Variants in PLEKHM3 observed in about 807,000 individuals in gnomAD.
PLEKHM3 encodes the protein pleckstrin homology domain containing M3.
A neutral mutation model predicts 81.8 loss-of-function variants in PLEKHM3; 45 were observed. The ratio of observed to expected loss-of-function variants is 0.55; its 90% CI spans 0.43 to 0.71. The LOEUF (loss-of-function observed/expected upper bound fraction) is 0.71. PLEKHM3 is among the 30% of genes least tolerant of loss of function. The probability of loss-of-function intolerance (pLI) is 0.00; values close to 1 mark genes in which losing one functional copy is unlikely to be tolerated. For synonymous variants in PLEKHM3, 352 were observed against 356.4 expected (o/e 0.99, Z 0.14); for missense variants, 788 against 924.3 (o/e 0.85, Z 1.91).
chr2:207,930,956 C>G lies in PLEKHM3; in HGVS notation c.1856G>C (p.Arg619Pro), dbSNP rs769598634. Residue 619 changes from arginine (R) to proline (P), a missense_variant, in exon 5 of 8, where the codon CGG (arginine) becomes CCG (proline). Transcript: ENST00000427836. The part of the protein sequence containing the change: ...KSLRAYLFSC[R>P]AAVAEDLRRR... ...GCGGAGATCCTCTGCCACCGCTGCC[C>G]GGCAGCTGAACAAATAGGCTCGGAG... The G allele has an allele frequency of 6.2e-7, 1 of 1,613,378 alleles. No individual in the cohort carries two copies. Among genetic ancestry groups the G allele is most frequent in the Non-Finnish European group, 8.5e-7 (1 of 1,179,398 alleles).
Position 207,960,292 on chromosome 2 carries a change from T to C in PLEKHM3, c.1547-13780A>G, listed in dbSNP as rs117671778. ...TGTCTGCTATGATAAGAGGACATGA[T>C]GGCCTTCAGGAAGCAGATTTCTGTC... On this transcript the variant is annotated intron_variant, in intron 3 of 7. Coordinates refer to ENST00000427836, the MANE Select transcript of PLEKHM3 (RefSeq NM_001080475.3). 2.8e-3 allele frequency among the ~76,000 whole-genome samples: 420 copies of C among 152,206 alleles called. 15 individuals are homozygous for C. In the East Asian group the frequency reaches 0.074, roughly 27 times the overall value.
At chr2:207,845,774 G>T (rs929488822) in intron 7 of PLEKHM3, among the ~76,000 whole-genome samples, 32 of 152,290 alleles carry the variant, frequency 2.1e-4, no homozygotes, top group African/African-American at 7.2e-4. Flanking sequence ...ATTATTTATG[G>T]AGCAGTTACT....
chr2:207,851,231 T>C (rs1318157709), intron 7 of PLEKHM3: 2 of 151,966 alleles, frequency 1.3e-5, no homozygotes, highest in Non-Finnish European at 2.9e-5. Context: ...GTCATTTCTG[T>C]TTTTTTAGGA....
intron 6 of PLEKHM3, among the ~76,000 whole-genome samples, chr2:207,895,101 A>G (rs17459225): frequency 0.018 from 2,816 of 152,364 alleles, 35 homozygotes; most frequent in Middle Eastern, 0.065. Flanking sequence ...CTCATTTTAC[A>G]AAGAAAGATT....
At chr2:207,940,789 C>T (rs1185996144) in intron 4 of PLEKHM3, among the ~76,000 whole-genome samples, 1 of 152,210 alleles carries the variant, frequency 6.6e-6, no homozygotes, top group Non-Finnish European at 1.5e-5. Context: ...GACATGCCTT[C>T]TTTAGCTCTC....
At chr2:207,970,484 TAGAG>T (rs1220035602) in intron 3 of PLEKHM3, among the ~76,000 whole-genome samples, 2 of 152,174 alleles carry the variant, frequency 1.3e-5, no homozygotes, top group Non-Finnish European at 2.9e-5. Flanking sequence ...GCTAAATAAA[TAGAG>T]CAGCCCCGAG....
intron 2 of PLEKHM3, among the ~76,000 whole-genome samples, chr2:207,988,713 T>A (rs1691803340): frequency 6.6e-6 from 1 of 152,204 alleles, no homozygotes; most frequent in Admixed American, 6.5e-5. Flanking sequence ...TACCCCCTTA[T>A]GGCTGAACCC....
At chr2:207,997,751 T>TG (rs1284726996) in intron 2 of PLEKHM3, among the ~76,000 whole-genome samples, 2 of 152,190 alleles carry the variant, frequency 1.3e-5, no homozygotes, top group Non-Finnish European at 2.9e-5. Flanking sequence ...ACCAGGCAGT[T>TG]GGAGATGCGA....
chr2:207,886,387 G>A (rs1302364963), intron 6 of PLEKHM3, among the ~76,000 whole-genome samples: 1 of 152,110 alleles, frequency 6.6e-6, no homozygotes, highest in Admixed American at 6.5e-5. Context: ...CAAAACAGAA[G>A]AATCAGGACA....
intron 5 of PLEKHM3, chr2:207,929,763 T>C (rs968307930): frequency 5.8e-6 from 3 of 513,236 alleles, no homozygotes; most frequent in Non-Finnish European, 3.4e-6. Context: ...TGTCTAGATA[T>C]TATATATCCT....
intron 2 of PLEKHM3, among the ~76,000 whole-genome samples, chr2:207,983,138 G>A (rs2123295): frequency 0.46 from 67,849 of 147,954 alleles, 18,589 homozygotes; most frequent in Non-Finnish European, 0.6. Context: ...TGCCAGCTCC[G>A]CCTCCCAAGT....
At chr2:207,986,847 T>TC (rs1691741096) in intron 2 of PLEKHM3, among the ~76,000 whole-genome samples, 1 of 148,214 alleles carries the variant, frequency 6.7e-6, no homozygotes, top group Non-Finnish European at 1.5e-5. Flanking sequence ...AATTTTTTTT[T>TC]TTTTTTTTTT....
intron 3 of PLEKHM3, among the ~76,000 whole-genome samples, chr2:207,974,335 C>T (rs1322413606): frequency 6.6e-6 from 1 of 152,202 alleles, no homozygotes; most frequent in Non-Finnish European, 1.5e-5. Context: ...TACATTTCTC[C>T]TTCCTCTTGA....
At chr2:207,959,151 T>A (rs930713419) in intron 3 of PLEKHM3, among the ~76,000 whole-genome samples, 1 of 152,228 alleles carries the variant, frequency 6.6e-6, no homozygotes, top group Non-Finnish European at 1.5e-5. Flanking sequence ...TTTCAGCACT[T>A]CCTTAAATTC....
intron 5 of PLEKHM3, among the ~76,000 whole-genome samples, chr2:207,928,085 C>T (rs1191201668): frequency 6.6e-6 from 1 of 152,170 alleles, no homozygotes; most frequent in Non-Finnish European, 1.5e-5. Context: ...TACTAGCACA[C>T]TTTTCTCTGC....
intron 6 of PLEKHM3, among the ~76,000 whole-genome samples, chr2:207,880,425 G>A (rs528840937): frequency 1.4e-3 from 173 of 126,440 alleles, no homozygotes; most frequent in Non-Finnish European, 2.3e-3. Context: ...AAAAAAAAAC[G>A]CAAATTGATG....
At chr2:207,871,087 C>T (rs374077100) in intron 6 of PLEKHM3, among the ~76,000 whole-genome samples, 1 of 152,270 alleles carries the variant, frequency 6.6e-6, no homozygotes, top group Non-Finnish European at 1.5e-5. Context: ...TGTGCTCTAG[C>T]CTGGGTGACA....
At chr2:207,988,582 C>T (rs1446554013) in intron 2 of PLEKHM3, among the ~76,000 whole-genome samples, 1 of 152,128 alleles carries the variant, frequency 6.6e-6, no homozygotes, top group Non-Finnish European at 1.5e-5. Context: ...AAATTCCTTC[C>T]TACTTCTCTA....
intron 1 of PLEKHM3, among the ~76,000 whole-genome samples, chr2:208,021,230 G>A (rs527469828): frequency 6.6e-6 from 1 of 152,088 alleles, no homozygotes; most frequent in African/African-American, 2.4e-5. Flanking sequence ...TCTGTAAATG[G>A]TTACATATTC....
Sources: gnomAD v4.1 joint callset for allele counts (sites outside exome capture counted in the v4.1 genomes callset) on GRCh38, gnomAD v4.1.1 for gene constraint, MANE v1.5 for transcripts, NCBI Gene and HGNC (gene_info 2026-07-23, HGNC 2026-07-21) for gene names.